Variants in LRPPRC observed in about 807,000 individuals in gnomAD.
The protein encoded by LRPPRC is leucine-rich PPR motif-containing protein, mitochondrial.
A neutral mutation model predicts 180.3 loss-of-function variants in LRPPRC; 120 were observed. That is an observed-to-expected ratio of 0.67 (90% CI 0.57 to 0.77). The LOEUF (loss-of-function observed/expected upper bound fraction) is 0.77. Ranked by LOEUF, LRPPRC falls within the 30% of genes least tolerant of loss-of-function variation. The pLI, the probability that LRPPRC is intolerant of heterozygous loss-of-function variation, is 0.00. For missense variants in LRPPRC, 2,012 were observed against 1,657.2 expected (o/e 1.21, Z -3.72); for synonymous variants, 723 against 600.0 (o/e 1.21, Z -3.00).
chr2:43,937,028 T>A (rs1480135511), intron 23 of LRPPRC, among the ~76,000 whole-genome samples: 2 of 152,192 alleles, frequency 1.3e-5, no homozygotes. Context: ...GTGGCATGAT[T>A]TGCTTTTCCA....
At chr2:43,954,458 T>C (rs1450351599) in intron 14 of LRPPRC, among the ~76,000 whole-genome samples, 7 of 152,212 alleles carry the variant, frequency 4.6e-5, no homozygotes, top group Non-Finnish European at 8.8e-5. Flanking sequence ...GTCTAATACT[T>C]GTAAGTTTGC....
Position 43,887,602 on chromosome 2 carries a change from G to T in LRPPRC, c.*998C>A, listed in dbSNP as rs1039809618. On this transcript the variant is annotated 3_prime_UTR_variant, in exon 38 of 38. Coordinates refer to ENST00000260665, the MANE Select transcript of LRPPRC (RefSeq NM_133259.4). The stretch of plus-strand genomic sequence containing the variant: ...GTTCTCAAAACATTTTCAACATTTC[G>T]GTAATTAATTACCTCATCTCCAGTT... The T allele has an allele frequency of 6.6e-6, 1 of 151,962 alleles. No individual in the cohort carries two copies. Among genetic ancestry groups the T allele is most frequent in the Non-Finnish European group, 1.5e-5 (1 of 68,000 alleles). The allele number at this position is 151,962 out of a possible 1,614,324, so 9.4% of individuals were successfully genotyped here.
At chr2:43,908,374 GTTACTA>G (rs1290859070) in intron 30 of LRPPRC, among the ~76,000 whole-genome samples, 3 of 152,100 alleles carry the variant, frequency 2.0e-5, no homozygotes, top group African/African-American at 7.2e-5. Context: ...ATTTTTAAAA[GTTACTA>G]TTACTTTAGA....
At chr2:43,966,577 T>C (rs1673570472) in intron 11 of LRPPRC, among the ~76,000 whole-genome samples, 1 of 151,386 alleles carries the variant, frequency 6.6e-6, no homozygotes, top group South Asian at 2.1e-4. Context: ...CGCCGAGTAA[T>C]TTTTGTATTT....
intron 30 of LRPPRC, among the ~76,000 whole-genome samples, chr2:43,910,520 C>T (rs1420612386): frequency 6.6e-6 from 1 of 152,156 alleles, no homozygotes; most frequent in Non-Finnish European, 1.5e-5. Context: ...CAGGCATGAG[C>T]CAACGTGCCT....
chr2:43,964,233 AAACT>A (rs1280402758), intron 11 of LRPPRC, among the ~76,000 whole-genome samples: 2 of 150,482 alleles, frequency 1.3e-5, no homozygotes, highest in Non-Finnish European at 2.9e-5. Flanking sequence ...ATTGTATTTA[AAACT>A]AACTTAAAAA....
chr2:43,895,752 A>G (rs193206149), intron 35 of LRPPRC, among the ~76,000 whole-genome samples: 1 of 152,350 alleles, frequency 6.6e-6, no homozygotes, highest in Non-Finnish European at 1.5e-5. Context: ...AAATAAAACA[A>G]GCATCACAGT....
At chr2:43,953,683 G>A (rs1252004828) in intron 14 of LRPPRC, among the ~76,000 whole-genome samples, 1 of 152,162 alleles carries the variant, frequency 6.6e-6, no homozygotes, top group African/African-American at 2.4e-5. Flanking sequence ...GTGGTTTAAA[G>A]ATAAGGTAAT....
intron 30 of LRPPRC, among the ~76,000 whole-genome samples, chr2:43,910,248 T>A (rs1419848319): frequency 6.6e-6 from 1 of 151,584 alleles, no homozygotes; most frequent in African/African-American, 2.4e-5. Context: ...CCTTTTTTTT[T>A]TTTGAGACAG....
chr2:43,982,038 G>C (rs1196591168), intron 2 of LRPPRC, among the ~76,000 whole-genome samples, 200 bp downstream of exon 2: 1 of 152,094 alleles, frequency 6.6e-6, no homozygotes, highest in African/African-American at 2.4e-5. Flanking sequence ...CTCCCAAGTA[G>C]TTGGGACTAC....
intron 23 of LRPPRC, among the ~76,000 whole-genome samples, chr2:43,935,625 A>G (rs1303993869): frequency 6.6e-6 from 1 of 152,144 alleles, no homozygotes; most frequent in Non-Finnish European, 1.5e-5. Context: ...CTTAAACAAC[A>G]GTGTGGTACT....
At chr2:43,994,953 C>A (rs922859073) in intron 1 of LRPPRC, among the ~76,000 whole-genome samples, 1 of 152,220 alleles carries the variant, frequency 6.6e-6, no homozygotes, top group Non-Finnish European at 1.5e-5. Context: ...TTCAAAGACA[C>A]TTACAGGACG....
intron 35 of LRPPRC, among the ~76,000 whole-genome samples, chr2:43,895,659 A>G (rs56278007): frequency 2.6e-5 from 4 of 152,232 alleles, no homozygotes; most frequent in Admixed American, 2.6e-4. Flanking sequence ...CAAATTTTTT[A>G]AAAGTGTAGG....
At chr2:43,916,426 G>T (rs977551288) in intron 29 of LRPPRC, among the ~76,000 whole-genome samples, 7 of 152,072 alleles carry the variant, frequency 4.6e-5, no homozygotes, top group African/African-American at 1.7e-4. Context: ...ATGTCTTCAG[G>T]AAAGTTTAAT....
In LRPPRC at chr2:43,975,120, C is replaced by A; in HGVS notation, c.835G>T (p.Glu279Ter). Residue 279 changes from glutamate (E) to a stop codon, truncating the protein, a stop_gained, in exon 7 of 38, where the codon GAG becomes TAG. Transcript: ENST00000260665. LOFTEE classifies it high-confidence loss of function. ...TTAACATGGTCAATGTCGCCCTTCT[C>A]AGCATATGCATTCAATAATGCGAGG... ...TYLALLNAYAEKGDIDHVKQT... is the reference protein window; with the variant it reads ...TYLALLNAYA The A allele has an allele frequency of 6.2e-7, 1 of 1,613,466 alleles. No homozygotes were observed. Among genetic ancestry groups the A allele is most frequent in the Middle Eastern group, 1.7e-4 (1 of 6,058 alleles).
At chr2:43,912,602 G>C (rs748000701) in intron 29 of LRPPRC, 44 bp from the exon 30 acceptor site, 51 of 1,565,636 alleles carry the variant, frequency 3.3e-5, no homozygotes, top group Non-Finnish European at 4.0e-5. Flanking sequence ...ACATTATTCT[G>C]AAATGCCAAA....
intron 27 of LRPPRC, among the ~76,000 whole-genome samples, chr2:43,920,685 A>T (rs1399764383): frequency 1.6e-4 from 6 of 37,456 alleles, no homozygotes; most frequent in Admixed American, 3.2e-4. Flanking sequence ...TATTTGATTT[A>T]AAAAAAAAAA....
chr2:43,916,600 A>C (rs889727952), intron 29 of LRPPRC, among the ~76,000 whole-genome samples: 4 of 152,230 alleles, frequency 2.6e-5, no homozygotes, highest in Non-Finnish European at 5.9e-5. Context: ...TACTTTTAAT[A>C]AAAATGTATG....
rs375092654 is a variant in LRPPRC at position 43,947,806 on chromosome 2, T to C, written c.1921-31A>G. 3.2e-5 allele frequency: 45 copies of C among 1,409,410 alleles called. No individual in the cohort carries two copies. In the African/African-American group the frequency reaches 5.6e-4, roughly 18 times the overall value. The allele number at this position is 1,409,410 out of a possible 1,614,324, so 87.3% of individuals were successfully genotyped here. A position where few individuals can be genotyped will look rare whatever the true frequency, so the allele number is the denominator to read the frequency against. On this transcript the variant is annotated intron_variant, in intron 18 of 37. Coordinates refer to ENST00000260665, the MANE Select transcript of LRPPRC (RefSeq NM_133259.4). ...ATTGAAATTTAAATTAGCCCAGAATTAGAAAACACACGTAAAAATACATCA... is the reference window on the plus strand; with the variant it reads ...ATTGAAATTTAAATTAGCCCAGAATCAGAAAACACACGTAAAAATACATCA...
Sources: allele counts gnomAD v4.1 joint callset (sites outside exome capture counted in the v4.1 genomes callset), GRCh38; gene constraint gnomAD v4.1.1; transcripts MANE v1.5; gene names NCBI Gene and HGNC (gene_info 2026-07-23, HGNC 2026-07-21).